RPS6KA2: variants seen among roughly 807,000 people sequenced by gnomAD.
RPS6KA2 encodes ribosomal protein S6 kinase A2.
In RPS6KA2, 42 loss-of-function variants were observed where a neutral mutation model predicts 91.8. That is an observed-to-expected ratio of 0.46 (90% confidence interval 0.36 to 0.59). The LOEUF is 0.59. Among genes scored for constraint, RPS6KA2 ranks in the 20% least tolerant of loss-of-function variants. The pLI, the probability that RPS6KA2 is intolerant of heterozygous loss-of-function variation, is 0.00. For synonymous variants in RPS6KA2, 414 were observed against 393.6 expected (o/e 1.05, Z -0.61); for missense variants, 798 against 978.5 (o/e 0.82, Z 2.46).
Position 166,573,648 on chromosome 6 carries a change from C to T in RPS6KA2, c.100-34864G>A, listed in dbSNP as rs1310587968. Among the ~76,000 whole-genome samples the T allele has an allele frequency of 4.6e-5, 7 of 152,184 alleles. No homozygotes were observed. In the South Asian group the frequency reaches 6.2e-4, roughly 14 times the overall value. ...ACTGACTCTGTGGCTCCGGCCTCAC[C>T]GGCCTTTGCTGCACTTACTCCCATT... On this transcript the variant is annotated intron_variant, in intron 1 of 20. Transcript: ENST00000265678.
In RPS6KA2 at chr6:166,413,885, G is replaced by A. The variant is rs760448739; in HGVS notation, c.1985C>T (p.Thr662Met). The part of the protein sequence containing the change: ...MLHVDPHQRL[T>M]AMQVLKHPWV... The stretch of plus-strand genomic sequence containing the variant: ...CGGGTGTTTGAGCACTTGCATCGCC[G>A]TCAGGCGCTGATGAGGGTCCACGTG... Residue 662 changes from threonine (T) to methionine (M), a missense_variant, in exon 20 of 21, where the codon ACG (threonine) becomes ATG (methionine). Physicochemically the swap from Thr to Met is moderately conservative, Grantham distance 81. Transcript: ENST00000265678. 3.5e-5 allele frequency: 57 copies of A among 1,613,916 alleles called. No homozygotes were observed. The highest frequency in any genetic ancestry group is 4.6e-5 in the Non-Finnish European group (54 of 1,179,916).
At chr6:166,489,010 A>C in intron 9 of RPS6KA2, 89 bp from the exon 10 acceptor site, 1 of 1,113,336 alleles carries the variant, frequency 9.0e-7, no homozygotes, top group Non-Finnish European at 1.3e-6. Flanking sequence ...AGAGACCTCA[A>C]TCGCAGTCAC....
At chr6:166,488,797 C>T in intron 10 of RPS6KA2, 36 bp downstream of exon 10, 1 of 1,548,914 alleles carries the variant, frequency 6.5e-7, no homozygotes, top group East Asian at 2.2e-5. Context: ...CAGCGCCCTG[C>T]ACGTTCCCGT....
rs1280889865 is a variant in RPS6KA2 at position 166,648,917 on chromosome 6, A to G, written c.124-110133T>C. Among the ~76,000 whole-genome samples, 3 of 151,964 alleles carry G rather than the reference A, an allele frequency of 2.0e-5. No homozygotes were observed. Among genetic ancestry groups the G allele is most frequent in the African/African-American group, 4.8e-5 (2 of 41,334 alleles). On this transcript the variant is annotated intron_variant, in intron 2 of 21. Coordinates refer to the RPS6KA2 transcript ENST00000503859. The surrounding 1 kb of genome is among the most constrained non-coding windows in gnomAD (Gnocchi z 4.8). ...GAGTCTACCTTGCAGCGTCTCACCAATTCACCTGTCTCTCTAAGGCCACTG... is the reference window on the plus strand; with the variant it reads ...GAGTCTACCTTGCAGCGTCTCACCAGTTCACCTGTCTCTCTAAGGCCACTG...
intron 2 of RPS6KA2, among the ~76,000 whole-genome samples, chr6:166,763,002 G>C (rs987042442): frequency 1.3e-5 from 2 of 152,214 alleles, no homozygotes; most frequent in East Asian, 3.9e-4. Flanking sequence ...TGCGTGGATA[G>C]CAAAAATATA....
chr6:166,432,391 G>T lies in RPS6KA2; in HGVS notation c.1422+10C>A, dbSNP rs970062210. On this transcript the variant is annotated intron_variant, in intron 15 of 20. Transcript: ENST00000265678. ...GGAAGTGGAGATGCTGTTGCACGGG[G>T]ACCACTCACATCCTTGAGGGTGATG... 2.5e-6 allele frequency: 4 copies of T among 1,588,966 alleles called. No individual in the cohort carries two copies. The highest frequency in any genetic ancestry group is 1.7e-5 in the Admixed American group (1 of 59,816).
At chr6:166,806,804 A>G (rs1186640336) in intron 2 of RPS6KA2, among the ~76,000 whole-genome samples, 4 of 139,888 alleles carry the variant, frequency 2.9e-5, no homozygotes, top group African/African-American at 1.1e-4. Context: ...CATTAAAAAA[A>G]AAATTAGTTT....
At chr6:166,826,728 T>G (rs573339256) in intron 2 of RPS6KA2, among the ~76,000 whole-genome samples, 1 of 152,340 alleles carries the variant, frequency 6.6e-6, no homozygotes, top group Non-Finnish European at 1.5e-5. Context: ...CTGTTTACAT[T>G]TATGGACCCT....
rs1393185896 is a variant in RPS6KA2, at chr6:166,413,826, G to C, written c.2044C>G (p.Gln682Glu). The C allele has an allele frequency of 6.2e-7, 1 of 1,614,224 alleles. No homozygotes were observed. Among genetic ancestry groups the C allele is most frequent in the Admixed American group, 1.7e-5 (1 of 60,032 alleles). The change falls in exon 20 of 21, where the codon CAG (glutamine) becomes GAG (glutamate). Residue 682 changes from glutamine to glutamate, a missense_variant. Gln to Glu is a conservative substitution (Grantham distance 29, BLOSUM62 2). Transcript: ENST00000265678. The stretch of plus-strand genomic sequence containing the variant: ...AGGTGCACGTCCTGTCGGCTGAGCT[G>C]GTTTGGGGACAGGTACTCTCTGTTG... The part of the protein sequence containing the change: ...VVNREYLSPN[Q>E]LSRQDVHLVK...
chr6:166,538,932 G>GTTTTTTTT (rs1338843658), intron 1 of RPS6KA2, 148 bp from the exon 2 acceptor site: 3 of 493,070 alleles, frequency 6.1e-6, no homozygotes, highest in Admixed American at 3.1e-5. Flanking sequence ...ATTTAGTTGT[G>GTTTTTTTT]TTTTTTTCTT....
intron 1 of RPS6KA2, among the ~76,000 whole-genome samples, chr6:166,592,661 AG>A (rs1785392541): frequency 6.7e-6 from 1 of 148,992 alleles, no homozygotes; most frequent in Admixed American, 6.7e-5. Flanking sequence ...GAGGGCAGGC[AG>A]GGCAGCCACC....
chr6:166,801,527 C>T (rs1426038995), intron 2 of RPS6KA2, among the ~76,000 whole-genome samples: 2 of 151,832 alleles, frequency 1.3e-5, no homozygotes, highest in African/African-American at 2.4e-5. Context: ...AATAATGTTT[C>T]GTGAAGATAA....
At chr6:166,512,458 T>C (rs1036390394) in intron 3 of RPS6KA2, among the ~76,000 whole-genome samples, 4 of 152,224 alleles carry the variant, frequency 2.6e-5, no homozygotes, top group East Asian at 1.9e-4. Context: ...TATTATGTTA[T>C]ATATGTCTTA....
intron 2 of RPS6KA2, among the ~76,000 whole-genome samples, chr6:166,720,461 G>C (rs182467050): frequency 6.6e-6 from 1 of 152,220 alleles, no homozygotes; most frequent in Admixed American, 6.5e-5. Context: ...AAGGAACCCA[G>C]GAACCCAGAT....
chr6:166,419,220 T>C lies in RPS6KA2; in HGVS notation c.1820+662A>G, dbSNP rs1395317000. Among the ~76,000 whole-genome samples the C allele has an allele frequency of 6.6e-6, 1 of 152,206 alleles. No homozygotes were observed. The highest frequency in any genetic ancestry group is 1.5e-5 in the Non-Finnish European group (1 of 68,028). On this transcript the variant is annotated intron_variant, in intron 18 of 20. Coordinates refer to ENST00000265678, the MANE Select transcript of RPS6KA2 (RefSeq NM_021135.6). The surrounding 1 kb of genome is among the most constrained non-coding windows in gnomAD (Gnocchi z 5.6). ...TAGGGTTCTTTTCTTTTTGCCTCCA[T>C]TCAAGTATTTAATAAACGTAATAGG... is the stretch of plus-strand genomic sequence containing the variant.
intron 2 of RPS6KA2, among the ~76,000 whole-genome samples, chr6:166,795,075 A>G (rs1252083084): frequency 6.6e-6 from 1 of 152,124 alleles, no homozygotes; most frequent in Non-Finnish European, 1.5e-5. Context: ...AAATGTTTAT[A>G]CTTTTGTATA....
At position 166,626,598 on chromosome 6, in the gene RPS6KA2, A is replaced by G. The variant is rs556164063; in HGVS notation, c.99+323T>C. Among the ~76,000 whole-genome samples, 335 of 152,266 alleles carry G rather than the reference A, an allele frequency of 2.2e-3. 2 individuals carry two copies. The highest frequency in any genetic ancestry group is 3.9e-3 in the Non-Finnish European group (267 of 67,996). The stretch of plus-strand genomic sequence containing the variant: ...GCGCCACTCGGCGGTCTAGCTGCAG[A>G]GAAAGCCCCTCCTCACCCGGGGCTC... On this transcript the variant is annotated intron_variant, in intron 1 of 20. Coordinates refer to ENST00000265678, the MANE Select transcript of RPS6KA2 (RefSeq NM_021135.6). This position sits in a 1 kb window ranked among gnomAD's most constrained non-coding sequence, Gnocchi z 4.1.
intron 8 of RPS6KA2, among the ~76,000 whole-genome samples, chr6:166,497,158 T>C (rs771874660): frequency 6.6e-6 from 1 of 152,246 alleles, no homozygotes; most frequent in African/African-American, 2.4e-5. Flanking sequence ...GACTTAGCTC[T>C]GTGGTCTCCG....
rs868543322 is a variant in RPS6KA2 at position 166,423,345 on chromosome 6, C to T, written c.1654G>A (p.Val552Ile). ...TGCTTGGCAAAGCCGAAGTCGCAGA[C>T]TCGGATGGATTCTGGGCTCCCCGAC... Reference protein sequence around the residue: ...DESGSPESIRVCDFGFAKQLR... With the variant: ...DESGSPESIRICDFGFAKQLR... Residue 552 changes from valine (V) to isoleucine (I), a missense_variant, in exon 17 of 21, where the codon GTC becomes ATC. Transcript: ENST00000265678. The surrounding 1 kb of genome is among the most constrained non-coding windows in gnomAD (Gnocchi z 4.8). 1 of 1,614,204 alleles carries T rather than the reference C, an allele frequency of 6.2e-7. No individual in the cohort carries two copies. The highest frequency in any genetic ancestry group is 1.6e-4 in the Middle Eastern group (1 of 6,062).
Sources: allele counts gnomAD v4.1 joint callset (sites outside exome capture counted in the v4.1 genomes callset), GRCh38; gene constraint gnomAD v4.1.1; non-coding constraint Gnocchi (gnomAD v3.1); transcripts MANE v1.5; gene names NCBI Gene and HGNC (gene_info 2026-07-23, HGNC 2026-07-21).